Variants in CDK17 observed in about 807,000 individuals in gnomAD.
CDK17 encodes cyclin-dependent kinase 17.
Under a neutral mutation model 77.6 loss-of-function variants are expected in CDK17, and 24 were observed. That is an observed-to-expected ratio of 0.31 (90% CI 0.22 to 0.44). The LOEUF (loss-of-function observed/expected upper bound fraction) is 0.44. CDK17 is among the 20% of genes least tolerant of loss of function. The probability of loss-of-function intolerance (pLI) is 1.00; values close to 1 mark genes in which losing one functional copy is unlikely to be tolerated. For missense variants in CDK17, 429 were observed against 622.5 expected (o/e 0.69, Z 3.31); for synonymous variants, 203 against 210.4 (o/e 0.96, Z 0.30).
chr12:96,349,948 T>G (rs762273196), intron 1 of CDK17, among the ~76,000 whole-genome samples: 1 of 152,204 alleles, frequency 6.6e-6, no homozygotes, highest in African/African-American at 2.4e-5. Context: ...ACTGCCATGA[T>G]GAAATCAGTT....
chr12:96,282,490 ACT>A lies in CDK17; in HGVS notation c.1456+17_1456+18del, dbSNP rs1166487064. 6.6e-7 allele frequency: 1 copy of A among 1,518,866 alleles called. No homozygotes were observed. Among genetic ancestry groups the A allele is most frequent in the Non-Finnish European group, 9.1e-7 (1 of 1,093,532 alleles). 94.1% of individuals were successfully genotyped at this position (1,518,866 alleles called of 1,614,324 possible). Reference sequence around the variant, plus strand: ...CAAATAAAAATAAAGCAGGGAAAACACTTTAGGATTTCTCTTACTTTCTGGTA... The same window carrying A: ...CAAATAAAAATAAAGCAGGGAAAACATTAGGATTTCTCTTACTTTCTGGTA... On this transcript the variant is annotated intron_variant, in intron 15 of 16. Transcript: ENST00000261211.
intron 1 of CDK17, among the ~76,000 whole-genome samples, chr12:96,365,253 GA>G (rs1441202916): frequency 1.3e-5 from 2 of 152,000 alleles, no homozygotes; most frequent in African/African-American, 4.8e-5. Context: ...AAAATAACAT[GA>G]ATAACATCAC....
rs372635450 is a variant in CDK17 at position 96,353,605 on chromosome 12, C to G, written c.-29-18740G>C. On this transcript the variant is annotated intron_variant, in intron 1 of 16. Coordinates refer to ENST00000261211, the MANE Select transcript of CDK17 (RefSeq NM_002595.5). Reference sequence around the variant, plus strand: ...AATGTCAACAGAGTTTAAAAGGTGGCGGGGGGGGGCGCGGGTACAAATATT... The same window carrying G: ...AATGTCAACAGAGTTTAAAAGGTGGGGGGGGGGGGCGCGGGTACAAATATT... 1.7e-3 allele frequency among the ~76,000 whole-genome samples: 242 copies of G among 140,670 alleles called. 1 individual carries two copies. Among genetic ancestry groups the G allele is most frequent in the Admixed American group, 2.3e-3 (30 of 12,944 alleles). The allele number at this position is 140,670 out of a possible 152,430, so 92.3% of individuals were successfully genotyped here.
intron 1 of CDK17, among the ~76,000 whole-genome samples, chr12:96,337,866 C>G (rs1357398059): frequency 6.6e-6 from 1 of 152,180 alleles, no homozygotes; most frequent in South Asian, 2.1e-4. Flanking sequence ...TTGGGGTACT[C>G]TAACTCTGCA....
At chr12:96,394,245 C>CAA (rs71097287) in intron 1 of CDK17, among the ~76,000 whole-genome samples, 1 of 134,096 alleles carries the variant, frequency 7.5e-6, no homozygotes, top group Non-Finnish European at 1.6e-5. Context: ...GACTCCATCT[C>CAA]AAAAAAAAAA....
intron 1 of CDK17, among the ~76,000 whole-genome samples, chr12:96,373,552 G>A (rs1460263888): frequency 3.3e-5 from 5 of 152,036 alleles, no homozygotes; most frequent in East Asian, 1.9e-4. Flanking sequence ...CCGAGATTGC[G>A]CCATTGCACC....
rs145728433 is a variant in CDK17 at position 96,327,266 on chromosome 12, T to C, written c.119-3154A>G. Reference sequence around the variant, plus strand: ...TAACTTCCTTTATATTTGTAATTACTGAAAACAATTTTTTAAGATATCATC... The same window carrying C: ...TAACTTCCTTTATATTTGTAATTACCGAAAACAATTTTTTAAGATATCATC... On this transcript the variant is annotated intron_variant, in intron 2 of 16. Transcript: ENST00000261211. Among the ~76,000 whole-genome samples the C allele has an allele frequency of 1.9e-4, 29 of 152,278 alleles. No individual in the cohort carries two copies. The East Asian group carries it at 5.4e-3, about 28-fold the overall frequency.
intron 1 of CDK17, among the ~76,000 whole-genome samples, chr12:96,337,317 C>T (rs1482865891): frequency 6.6e-6 from 1 of 152,010 alleles, no homozygotes; most frequent in Non-Finnish European, 1.5e-5. Flanking sequence ...CTTCTTACCC[C>T]CAATAGCTTA....
chr12:96,397,323 T>C (rs1954188780), intron 1 of CDK17, among the ~76,000 whole-genome samples: 1 of 152,162 alleles, frequency 6.6e-6, no homozygotes, highest in South Asian at 2.1e-4. Flanking sequence ...AATGACTTAT[T>C]AGAGACTACT....
chr12:96,285,327 C>G (rs991108583), intron 13 of CDK17, among the ~76,000 whole-genome samples: 10 of 151,872 alleles, frequency 6.6e-5, no homozygotes, highest in African/African-American at 2.4e-4. Context: ...CTCTTCCTTC[C>G]TTAGCTTGAA....
At chr12:96,394,594 C>T (rs1001041871) in intron 1 of CDK17, among the ~76,000 whole-genome samples, 1 of 151,802 alleles carries the variant, frequency 6.6e-6, no homozygotes, top group Non-Finnish European at 1.5e-5. Context: ...GTGCACAGAT[C>T]ACCTGAGGTC....
rs564634310 is a variant in CDK17, at chr12:96,315,567, A to T, written c.284-2113T>A. Among the ~76,000 whole-genome samples, 31 of 152,314 alleles carry T rather than the reference A, an allele frequency of 2.0e-4. No homozygotes were observed. In the East Asian group the frequency reaches 5.6e-3, roughly 27 times the overall value. On this transcript the variant is annotated intron_variant, in intron 3 of 16. Transcript: ENST00000261211. ...GTATTCATTTCTGTCACACCTTCAA[A>T]ATGTTAAAAATAATTTAATCATGGC...
At chr12:96,335,586 C>T (rs1461374688) in intron 1 of CDK17, among the ~76,000 whole-genome samples, 1 of 152,150 alleles carries the variant, frequency 6.6e-6, no homozygotes, top group African/African-American at 2.4e-5. Context: ...AAGAAGTTCC[C>T]TGACTCATGT....
At chr12:96,378,773 C>T (rs987993551) in intron 1 of CDK17, among the ~76,000 whole-genome samples, 4 of 152,040 alleles carry the variant, frequency 2.6e-5, no homozygotes, top group South Asian at 2.1e-4. Flanking sequence ...TAAGAAAATA[C>T]TATGAAGCTA....
At position 96,280,867 on chromosome 12, in the gene CDK17, A is replaced by G; in HGVS notation, c.1475T>C (p.Leu492Ser). The G allele has an allele frequency of 1.2e-6, 2 of 1,613,732 alleles. No homozygotes were observed. The highest frequency in any genetic ancestry group is 1.1e-5 in the South Asian group (1 of 91,006). Residue 492 changes from leucine (L) to serine (S), a missense_variant, in exon 16 of 17, where the codon TTG becomes TCG. Leu to Ser is a moderately radical substitution (Grantham distance 145). Coordinates refer to ENST00000261211, the MANE Select transcript of CDK17 (RefSeq NM_002595.5). ...GTCCTTTTGCAACTGAATCTCTTTC[A>G]AACTGAATATTGATACACCTAAAAT... Reference protein sequence around the residue: ...ALPESVSIFSLKEIQLQKDPG... With the variant: ...ALPESVSIFSSKEIQLQKDPG...
chr12:96,308,181 G>T (rs1165419694), intron 5 of CDK17, among the ~76,000 whole-genome samples: 2 of 143,878 alleles, frequency 1.4e-5, no homozygotes, highest in Non-Finnish European at 3.0e-5. Context: ...GACCGCTTGA[G>T]CCCAGGCATT....
chr12:96,331,809 A>G (rs932633366), intron 2 of CDK17, among the ~76,000 whole-genome samples: 1 of 152,192 alleles, frequency 6.6e-6, no homozygotes, highest in East Asian at 1.9e-4. Context: ...CATGAGAGCC[A>G]TGTGCCTAGA....
At chr12:96,346,646 G>C (rs1423290129) in intron 1 of CDK17, among the ~76,000 whole-genome samples, 1 of 151,624 alleles carries the variant, frequency 6.6e-6, no homozygotes, top group East Asian at 1.9e-4. Context: ...GCCGGGCATG[G>C]TGGCTCACGC....
chr12:96,293,141 A>T (rs1053779831), intron 10 of CDK17, among the ~76,000 whole-genome samples: 3 of 152,022 alleles, frequency 2.0e-5, no homozygotes, highest in South Asian at 2.1e-4. Context: ...TATGAAAAAC[A>T]TTTTTTTTAT....
Sources: gnomAD v4.1 joint callset for allele counts (sites outside exome capture counted in the v4.1 genomes callset) on GRCh38, gnomAD v4.1.1 for gene constraint, MANE v1.5 for transcripts, NCBI Gene and HGNC (gene_info 2026-07-23, HGNC 2026-07-21) for gene names.